The following ARG2 variants were observed in gnomAD, a reference collection of about 807,000 sequenced individuals.
ARG2 encodes arginase 2, also known as arginase-2, mitochondrial.
Under a neutral mutation model 39.4 loss-of-function variants are expected in ARG2, and 21 were observed. The observed-to-expected ratio is 0.53, with a 90% CI of 0.38 to 0.77. ARG2 has a LOEUF of 0.77. Among genes scored for constraint, ARG2 ranks in the 30% least tolerant of loss-of-function variants. The pLI, the probability that ARG2 is intolerant of heterozygous loss-of-function variation, is 0.00. For synonymous variants in ARG2, 150 were observed against 156.7 expected, an observed-to-expected ratio of 0.96 and a Z score of 0.32; for missense variants, 378 against 426.2, an observed-to-expected ratio of 0.89 and a Z score of 1.00.
intron 2 of ARG2, among the ~76,000 whole-genome samples, chr14:67,627,989 T>C (rs555347376): frequency 9.8e-5 from 15 of 152,338 alleles, no homozygotes; most frequent in African/African-American, 3.6e-4. Flanking sequence ...GCAAATTGGC[T>C]TTATATTTCC....
chr14:67,630,745 A>G (rs1417841014), intron 2 of ARG2, among the ~76,000 whole-genome samples: 1 of 151,892 alleles, frequency 6.6e-6, no homozygotes, highest in African/African-American at 2.4e-5. Context: ...TGCCCAGCTA[A>G]TTTTTTGTAT....
intron 2 of ARG2, among the ~76,000 whole-genome samples, chr14:67,621,399 T>C (rs1008873542): frequency 2.6e-5 from 4 of 152,176 alleles, no homozygotes; most frequent in Non-Finnish European, 5.9e-5. Flanking sequence ...ATAGGTCTTA[T>C]AGGCTCACTG....
At chr14:67,646,472 A>G in intron 4 of ARG2, 172 bp from the exon 5 acceptor site, 4 of 577,836 alleles carry the variant, frequency 6.9e-6, no homozygotes, top group Middle Eastern at 5.5e-4. Flanking sequence ...CTTCTGAAAC[A>G]TTTCCACCTT....
chr14:67,627,438 A>G (rs893706266), intron 2 of ARG2, among the ~76,000 whole-genome samples: 3 of 152,112 alleles, frequency 2.0e-5, no homozygotes, highest in Non-Finnish European at 4.4e-5. Context: ...CTGTTGATAG[A>G]TATCCATCTT....
At position 67,651,369 on chromosome 14, in the gene ARG2, C is replaced by T. The variant is rs113373898; in HGVS notation, c.*449C>T. 16 of 1,613,464 alleles carry T rather than the reference C, an allele frequency of 9.9e-6. No homozygotes were observed. In the African/African-American group the frequency reaches 1.5e-4, roughly 15 times the overall value. On this transcript the variant is annotated 3_prime_UTR_variant, in exon 8 of 8. Transcript: ENST00000261783. Reference sequence around the variant, plus strand: ...AAGGTCAAAGTTCTGGTCCACAAACCCTTCCCTATAGAAGTTCAATGGCTG... The same window carrying T: ...AAGGTCAAAGTTCTGGTCCACAAACTCTTCCCTATAGAAGTTCAATGGCTG...
At chr14:67,627,068 CT>C (rs2036873625) in intron 2 of ARG2, among the ~76,000 whole-genome samples, 2 of 152,110 alleles carry the variant, frequency 1.3e-5, no homozygotes, top group Non-Finnish European at 2.9e-5. Context: ...CTGGGAATGA[CT>C]GCTAAAGGGC....
chr14:67,646,787 T>C (rs772746225), intron 5 of ARG2, 49 bp downstream of exon 5: 2 of 1,519,650 alleles, frequency 1.3e-6, no homozygotes, highest in South Asian at 2.3e-5. Context: ...TAGCCAATTA[T>C]GTTCTATTTG....
chr14:67,648,911 C>G (rs982861980), intron 7 of ARG2: 1 of 152,102 alleles, frequency 6.6e-6, no homozygotes, highest in African/African-American at 2.4e-5. Flanking sequence ...ATAGAGACCC[C>G]AGATTGAAAG....
At position 67,651,663 on chromosome 14, in the gene ARG2, C is replaced by A; in HGVS notation, c.*743C>A. 1 of 494,020 alleles carries A rather than the reference C, an allele frequency of 2.0e-6. No individual in the cohort carries two copies. The highest frequency in any genetic ancestry group is 3.4e-6 in the Non-Finnish European group (1 of 292,042). 30.6% of individuals were successfully genotyped at this position (494,020 alleles called of 1,614,324 possible). A position where few individuals can be genotyped will look rare whatever the true frequency, so the allele number is the denominator to read the frequency against. ...GTCACTTAGGGATAACACTGTCTAC[C>A]TCACAGAAATGTTAAACTGAGACAA... On this transcript the variant is annotated 3_prime_UTR_variant, in exon 8 of 8. Coordinates refer to ENST00000261783, the MANE Select transcript of ARG2 (RefSeq NM_001172.4).
At chr14:67,648,326 C>T in intron 7 of ARG2, 143 bp downstream of exon 7, 2 of 888,386 alleles carry the variant, frequency 2.3e-6, no homozygotes, top group Non-Finnish European at 3.3e-6. Context: ...AATTATATGG[C>T]CATGCTAATA....
intron 1 of ARG2, among the ~76,000 whole-genome samples, chr14:67,620,663 G>A (rs1398411034): frequency 6.6e-6 from 1 of 152,066 alleles, no homozygotes; most frequent in East Asian, 1.9e-4. Context: ...TCTCTGGCCC[G>A]AGCCAGCCCC....
chr14:67,622,218 A>G (rs966106007), intron 2 of ARG2, among the ~76,000 whole-genome samples: 1 of 152,360 alleles, frequency 6.6e-6, no homozygotes, highest in Middle Eastern at 3.4e-3. Flanking sequence ...TTCTGGTGAC[A>G]TAAGTGCAAA....
At chr14:67,623,063 C>CT (rs2036827369) in intron 2 of ARG2, among the ~76,000 whole-genome samples, 2 of 152,240 alleles carry the variant, frequency 1.3e-5, no homozygotes, top group East Asian at 1.9e-4. Flanking sequence ...TTCCCTTTGA[C>CT]TTTTTTTCTC....
Position 67,646,966 on chromosome 14 carries a change from T to C in ARG2, c.663T>C (p.Asp221=). ...NYDIQYFSMR[D]IDRLGIQKVM... ...ATATCCAGTATTTTTCCATGAGAGA[T>C]ATTGATCGACTTGGTATCCAGAAGG... The change falls in exon 6 of 8, where the codon GAT becomes GAC. Residue 221 remains aspartate (D), a synonymous_variant. Transcript: ENST00000261783. 3.1e-6 allele frequency: 5 copies of C among 1,612,702 alleles called. No homozygotes were observed. The highest frequency in any genetic ancestry group is 2.2e-5 in the East Asian group (1 of 44,878).
Position 67,623,522 on chromosome 14 carries a change from C to T in ARG2, c.184+2556C>T, listed in dbSNP as rs561733058. Among the ~76,000 whole-genome samples the T allele has an allele frequency of 2.4e-4, 35 of 145,990 alleles. No homozygotes were observed. The South Asian group carries it at 5.5e-3, about 23-fold the overall frequency. On this transcript the variant is annotated intron_variant, in intron 2 of 7. Coordinates refer to ENST00000261783, the MANE Select transcript of ARG2 (RefSeq NM_001172.4). ...GGCTTAGTAAGGACACTCAACAGTA[C>T]TCTCAGGTAACCTTTTTTTTTTTTT...
Position 67,650,934 on chromosome 14 carries a change from C to T in ARG2, c.*14C>T, listed in dbSNP as rs369339972. On this transcript the variant is annotated 3_prime_UTR_variant, in exon 8 of 8. Transcript: ENST00000261783. ...GTGAGAATTTAGGAGACACTGTGCACTGACATGTTTCACAACAGGCATTCC... is the reference window on the plus strand; with the variant it reads ...GTGAGAATTTAGGAGACACTGTGCATTGACATGTTTCACAACAGGCATTCC... The T allele has an allele frequency of 6.2e-7, 1 of 1,611,666 alleles. No homozygotes were observed. Among genetic ancestry groups the T allele is most frequent in the East Asian group, 2.2e-5 (1 of 44,880 alleles).
intron 2 of ARG2, among the ~76,000 whole-genome samples, chr14:67,637,410 C>CAAAAAAAAAAAAAAAAAAAAAAAAAAAA (rs34746542): frequency 9.7e-6 from 1 of 103,620 alleles, no homozygotes; most frequent in African/African-American, 4.5e-5. Flanking sequence ...GACTCTGTCT[C>CAAAAAAAAAAAAAAAAAAAAAAAAAAAA]AAAAAAAAAA....
At chr14:67,636,367 A>G (rs1457240761) in intron 2 of ARG2, among the ~76,000 whole-genome samples, 4 of 152,258 alleles carry the variant, frequency 2.6e-5, no homozygotes, top group Non-Finnish European at 1.5e-5. Flanking sequence ...AGTTGGAGCT[A>G]TTCAGCCTTG....
intron 7 of ARG2, chr14:67,650,401 C>A: frequency 3.1e-6 from 1 of 327,722 alleles, no homozygotes; most frequent in Non-Finnish European, 5.7e-6. Flanking sequence ...AGGATGAAAA[C>A]CTCCCCCACC....
Sources: allele counts gnomAD v4.1 joint callset (sites outside exome capture counted in the v4.1 genomes callset), GRCh38; gene constraint gnomAD v4.1.1; transcripts MANE v1.5; gene names NCBI Gene and HGNC (gene_info 2026-07-23, HGNC 2026-07-21).